Variants in GMDS observed in about 807,000 individuals in gnomAD.
The protein encoded by GMDS is GDP-mannose 4,6-dehydratase.
GMDS carries 20 observed loss-of-function variants against 49.9 expected under a neutral mutation model. The observed-to-expected ratio is 0.40, with a 90% confidence interval of 0.28 to 0.58. The LOEUF (loss-of-function observed/expected upper bound fraction) is 0.58. Ranked by LOEUF, GMDS falls within the 20% of genes least tolerant of loss-of-function variation. GMDS has a pLI of 0.42. For synonymous variants in GMDS, 177 were observed against 178.6 expected (o/e 0.99, Z 0.07); for missense variants, 362 against 481.4 (o/e 0.75, Z 2.32).
At chr6:1,671,523 C>A (rs1391714877) in intron 9 of GMDS, among the ~76,000 whole-genome samples, 1 of 152,006 alleles carries the variant, frequency 6.6e-6, no homozygotes, top group Non-Finnish European at 1.5e-5. Context: ...TAAATGTAAA[C>A]CACCAAGCAA....
intron 9 of GMDS, among the ~76,000 whole-genome samples, chr6:1,718,294 C>A (rs1247760079): frequency 6.6e-6 from 1 of 152,190 alleles, no homozygotes; most frequent in Admixed American, 6.5e-5. Flanking sequence ...GCACAGATAT[C>A]CCGAAGGCAC....
At chr6:1,817,791 A>AG (rs1770731769) in intron 7 of GMDS, among the ~76,000 whole-genome samples, 1 of 152,206 alleles carries the variant, frequency 6.6e-6, no homozygotes, top group South Asian at 2.1e-4. Flanking sequence ...CAATACTTCA[A>AG]GGGTCTGCAC....
chr6:1,683,358 C>T (rs967909894), intron 9 of GMDS, among the ~76,000 whole-genome samples: 16 of 152,152 alleles, frequency 1.1e-4, no homozygotes, highest in Non-Finnish European at 1.8e-4. Flanking sequence ...CTCCTGACCT[C>T]GTGATTTGTC....
chr6:2,034,703 T>C (rs530396824), intron 4 of GMDS, among the ~76,000 whole-genome samples: 100 of 152,370 alleles, frequency 6.6e-4, no homozygotes, highest in African/African-American at 2.3e-3. Context: ...AAGACACTTC[T>C]GGGGTGTCTG....
intron 1 of GMDS, among the ~76,000 whole-genome samples, chr6:2,228,785 C>A (rs952227492): frequency 1.3e-5 from 2 of 152,162 alleles, no homozygotes; most frequent in Non-Finnish European, 2.9e-5. Flanking sequence ...GTAGAGCTCC[C>A]TTTTTGCCCC....
chr6:1,676,624 A>G (rs1473454298), intron 9 of GMDS, among the ~76,000 whole-genome samples: 1 of 152,174 alleles, frequency 6.6e-6, no homozygotes, highest in Non-Finnish European at 1.5e-5. Flanking sequence ...CTGAAATAAT[A>G]CCACACATCT....
intron 3 of GMDS, among the ~76,000 whole-genome samples, chr6:2,116,376 T>A (rs911226380): frequency 6.6e-6 from 1 of 152,324 alleles, no homozygotes; most frequent in Non-Finnish European, 1.5e-5. Flanking sequence ...GGTGACATAA[T>A]TGATTGAAGG....
intron 4 of GMDS, among the ~76,000 whole-genome samples, chr6:1,980,432 T>A (rs1765156291): frequency 6.8e-6 from 1 of 146,842 alleles, no homozygotes; most frequent in African/African-American, 2.5e-5. Context: ...CAACAAAGAT[T>A]AAAAAAAAAA....
intron 1 of GMDS, among the ~76,000 whole-genome samples, chr6:2,208,077 A>G (rs1046443484): frequency 1.3e-5 from 2 of 151,904 alleles, no homozygotes; most frequent in Non-Finnish European, 2.9e-5. Context: ...TTACTCTGTT[A>G]GGATTAGGTG....
intron 1 of GMDS, among the ~76,000 whole-genome samples, chr6:2,164,321 G>C (rs1018266058): frequency 2.6e-5 from 4 of 152,192 alleles, no homozygotes; most frequent in Admixed American, 6.5e-5. Flanking sequence ...TTGGAGTGTA[G>C]TGTACCTTCT....
chr6:2,120,351 T>A (rs901901237), intron 2 of GMDS, among the ~76,000 whole-genome samples: 15 of 152,254 alleles, frequency 9.9e-5, no homozygotes, highest in African/African-American at 2.9e-4. Context: ...GCCTTTTTTT[T>A]AATCAAAGTA....
At position 1,674,054 on chromosome 6, in the gene GMDS, G is replaced by A. The variant is rs116302763; in HGVS notation, c.988-49514C>T. Among the ~76,000 whole-genome samples, 437 of 151,664 alleles carry A rather than the reference G, an allele frequency of 2.9e-3. 2 individuals carry two copies. The highest frequency in any genetic ancestry group is 0.01 in the African/African-American group (422 of 41,306). ...TAATTGGGTAAATACATAGCCGCGA[G>A]GTTGCTGATTGCGTAGTGAAACCAT... On this transcript the variant is annotated intron_variant, in intron 9 of 10. Transcript: ENST00000380815.
chr6:2,029,093 G>A (rs1340829294), intron 4 of GMDS, among the ~76,000 whole-genome samples: 2 of 151,696 alleles, frequency 1.3e-5, no homozygotes, highest in Non-Finnish European at 2.9e-5. Flanking sequence ...TTTAAGAACT[G>A]GAAAGCATTT....
At chr6:2,185,359 C>G (rs187413319) in intron 1 of GMDS, among the ~76,000 whole-genome samples, 17 of 152,304 alleles carry the variant, frequency 1.1e-4, no homozygotes, top group Non-Finnish European at 2.1e-4. Flanking sequence ...CTCATGTACA[C>G]CACCATTTCT....
chr6:1,952,423 C>A (rs765882235), intron 6 of GMDS, among the ~76,000 whole-genome samples: 1 of 151,988 alleles, frequency 6.6e-6, no homozygotes, highest in Admixed American at 6.6e-5. Context: ...AAACGCAACA[C>A]GAAGAGCTAA....
At chr6:2,216,764 C>A (rs377200889) in intron 1 of GMDS, among the ~76,000 whole-genome samples, 1 of 152,166 alleles carries the variant, frequency 6.6e-6, no homozygotes, top group East Asian at 1.9e-4. Context: ...TTCTTCATAG[C>A]CCTTTGTGCT....
At chr6:1,671,623 G>A (rs1011326795) in intron 9 of GMDS, among the ~76,000 whole-genome samples, 27 of 151,496 alleles carry the variant, frequency 1.8e-4, no homozygotes, top group African/African-American at 6.5e-4. Context: ...AGATATTAAG[G>A]TTGGTGCAAA....
At chr6:1,887,129 G>C (rs548645139) in intron 7 of GMDS, among the ~76,000 whole-genome samples, 2 of 152,114 alleles carry the variant, frequency 1.3e-5, no homozygotes, top group African/African-American at 2.4e-5. Flanking sequence ...GTAGGGCCCT[G>C]TTCTTTACCA....
intron 9 of GMDS, among the ~76,000 whole-genome samples, chr6:1,632,336 C>T (rs905476355): frequency 6.6e-6 from 1 of 152,102 alleles, no homozygotes; most frequent in Admixed American, 6.5e-5. Context: ...ACAGAAGAGT[C>T]CATATTGTAC....
Sources: gnomAD v4.1 joint callset for allele counts (sites outside exome capture counted in the v4.1 genomes callset) on GRCh38, gnomAD v4.1.1 for gene constraint, MANE v1.5 for transcripts, NCBI Gene and HGNC (gene_info 2026-07-23, HGNC 2026-07-21) for gene names.